Variants in INSL6 observed in about 807,000 individuals in gnomAD.
INSL6 encodes the protein insulin-like peptide INSL6.
INSL6 carries 16 observed loss-of-function variants against 9.4 expected under a neutral mutation model. That is an observed-to-expected ratio of 1.70 (90% CI 1.15 to 2.59). The LOEUF is 2.59. Among genes scored for constraint, INSL6 ranks in the 30% most tolerant of loss-of-function variants. The pLI, the probability that INSL6 is intolerant of heterozygous loss-of-function variation, is 0.00. For synonymous variants in INSL6, 154 were observed against 96.9 expected, an observed-to-expected ratio of 1.59 and a Z score of -3.46; for missense variants, 391 against 257.3, an observed-to-expected ratio of 1.52 and a Z score of -3.56.
At chr9:5,109,660 A>G in the INSL6 span, 1 of 152,180 alleles carries the variant, frequency 6.6e-6, no homozygotes, top group Admixed American at 6.5e-5. Context: ...TATACAGACC[A>G]AGAAGTCATT....
the INSL6 span, chr9:5,041,157 T>A: frequency 8.5e-6 from 10 of 1,176,388 alleles, no homozygotes; most frequent in Non-Finnish European, 1.2e-5. Context: ...ATCACGCGCA[T>A]GGATTATGTG....
downstream of INSL6, among the ~76,000 whole-genome samples, chr9:5,159,089 A>G (rs866466311): frequency 6.6e-5 from 10 of 152,304 alleles, no homozygotes; most frequent in South Asian, 1.0e-3. Context: ...AATGGATTAT[A>G]AGATATTATT....
chr9:5,127,235 T>C (rs1171815004), intron 3 of INSL6: 1 of 232,612 alleles, frequency 4.3e-6, no homozygotes, highest in Non-Finnish European at 8.5e-6. Flanking sequence ...TGGTGTTCAT[T>C]AATACTGTTT....
the INSL6 span, chr9:5,111,159 G>C: frequency 3.7e-6 from 3 of 810,664 alleles, no homozygotes; most frequent in Admixed American, 2.1e-5. Context: ...AACTTGCTGA[G>C]TCGCACGGCA....
At chr9:5,069,556 A>T in the INSL6 span, among the ~76,000 whole-genome samples, 4 of 152,154 alleles carry the variant, frequency 2.6e-5, no homozygotes, top group Non-Finnish European at 5.9e-5. Flanking sequence ...AAAAATAAAG[A>T]CAGTAAAGTT....
At chr9:5,048,056 T>G in the INSL6 span, among the ~76,000 whole-genome samples, 1 of 152,234 alleles carries the variant, frequency 6.6e-6, no homozygotes, top group South Asian at 2.1e-4. Context: ...TTGCCATCAC[T>G]CATTTTTCAT....
chr9:5,114,670 G>A, the INSL6 span: 2 of 441,348 alleles, frequency 4.5e-6, no homozygotes, highest in South Asian at 3.6e-5. Context: ...AAGGGCTCTG[G>A]CGTCTTAGTC....
At chr9:5,030,456 T>C in the INSL6 span, among the ~76,000 whole-genome samples, 1 of 152,152 alleles carries the variant, frequency 6.6e-6, no homozygotes, top group African/African-American at 2.4e-5. Flanking sequence ...GTCTCACAAA[T>C]ACCTGTGATT....
chr9:4,992,045 C>T, the INSL6 span, among the ~76,000 whole-genome samples: 1 of 152,172 alleles, frequency 6.6e-6, no homozygotes, highest in Non-Finnish European at 1.5e-5. Flanking sequence ...ACAGGGCACA[C>T]CAGGGATGAC....
At chr9:5,055,501 A>C in the INSL6 span, among the ~76,000 whole-genome samples, 1 of 152,050 alleles carries the variant, frequency 6.6e-6, no homozygotes, top group Non-Finnish European at 1.5e-5. Flanking sequence ...GATACAGCAT[A>C]GTCTTAGGGT....
the INSL6 span, among the ~76,000 whole-genome samples, chr9:5,076,528 GT>G: frequency 1.6e-4 from 25 of 151,912 alleles, no homozygotes; most frequent in African/African-American, 6.0e-4. Context: ...TATATTCTTT[GT>G]TTTTTTTAAG....
At chr9:5,159,895 G>A (rs1824889227), downstream of INSL6, among the ~76,000 whole-genome samples, 1 of 152,232 alleles carries the variant, frequency 6.6e-6, no homozygotes, top group Non-Finnish European at 1.5e-5. Context: ...CATGTGGCCA[G>A]GTGTGGTGGC....
At chr9:5,040,033 G>A in the INSL6 span, among the ~76,000 whole-genome samples, 2 of 152,132 alleles carry the variant, frequency 1.3e-5, no homozygotes, top group Non-Finnish European at 2.9e-5. Flanking sequence ...AAAGTTTGAA[G>A]ACTTATACTT....
At chr9:5,055,940 A>G in the INSL6 span, 5 of 631,058 alleles carry the variant, frequency 7.9e-6, no homozygotes, top group Non-Finnish European at 1.3e-5. Flanking sequence ...ACTTTTTGAT[A>G]ACATCTAGCT....
the INSL6 span, among the ~76,000 whole-genome samples, chr9:5,046,249 T>G: frequency 6.6e-6 from 1 of 152,188 alleles, no homozygotes; most frequent in South Asian, 2.1e-4. Flanking sequence ...CCTTTGCCCA[T>G]TTTTAAATCA....
the INSL6 span, chr9:5,096,669 T>G: frequency 2.0e-5 from 3 of 152,192 alleles, no homozygotes; most frequent in Non-Finnish European, 4.4e-5. Flanking sequence ...TCCACTTATG[T>G]TCATCAATTG....
the INSL6 span, among the ~76,000 whole-genome samples, chr9:5,083,792 C>T: frequency 6.8e-6 from 1 of 146,620 alleles, no homozygotes; most frequent in Admixed American, 6.8e-5. Flanking sequence ...AGTAATTTTT[C>T]TAGTTATGAA....
chr9:5,170,224 A>C (rs1251228353), intron 1 of INSL6, among the ~76,000 whole-genome samples: 1 of 152,238 alleles, frequency 6.6e-6, no homozygotes, highest in African/African-American at 2.4e-5. Flanking sequence ...AAGTACATGG[A>C]AATTCAACAA....
chr9:5,170,764 C>G (rs1370631656), intron 1 of INSL6, among the ~76,000 whole-genome samples: 1 of 152,058 alleles, frequency 6.6e-6, no homozygotes, highest in African/African-American at 2.4e-5. Context: ...TTCCTGAACA[C>G]ATACACCCCC....
Sources: allele counts gnomAD v4.1 joint callset (sites outside exome capture counted in the v4.1 genomes callset), GRCh38; gene constraint gnomAD v4.1.1; transcripts MANE v1.5; gene names NCBI Gene and HGNC (gene_info 2026-07-23, HGNC 2026-07-21).